REV1: variants seen among roughly 807,000 people sequenced by gnomAD.
The protein encoded by REV1 is REV1 DNA directed polymerase.
A neutral mutation model predicts 137.4 loss-of-function variants in REV1; 42 were observed. The ratio of observed to expected loss-of-function variants is 0.31; its 90% CI spans 0.24 to 0.40. REV1 has a LOEUF of 0.40. REV1 is among the 10% of genes least tolerant of loss of function. The pLI, the probability that REV1 is intolerant of heterozygous loss-of-function variation, is 1.00. For missense variants in REV1, 1,282 were observed against 1,490.1 expected, an observed-to-expected ratio of 0.86 and a Z score of 2.30; for synonymous variants, 524 against 519.2, an observed-to-expected ratio of 1.01 and a Z score of -0.12.
intron 3 of REV1, among the ~76,000 whole-genome samples, chr2:99,454,198 T>C (rs1683255905): frequency 6.6e-6 from 1 of 151,342 alleles, no homozygotes; most frequent in African/African-American, 2.4e-5. Context: ...GAGACCAACC[T>C]AGGCAACACA....
chr2:99,434,749 G>C (rs1234693869), intron 7 of REV1, among the ~76,000 whole-genome samples: 1 of 152,164 alleles, frequency 6.6e-6, no homozygotes, highest in African/African-American at 2.4e-5. Context: ...CTGTAGGAAA[G>C]AGGCAACTCA....
chr2:99,479,808 G>C (rs1686413363), intron 1 of REV1, among the ~76,000 whole-genome samples: 1 of 151,654 alleles, frequency 6.6e-6, no homozygotes, highest in Non-Finnish European at 1.5e-5. Context: ...AATAATACAA[G>C]ATCCTGCATT....
chr2:99,416,654 CG>C (rs2104532682), intron 12 of REV1, among the ~76,000 whole-genome samples: 1 of 152,220 alleles, frequency 6.6e-6, no homozygotes, highest in East Asian at 1.9e-4. Context: ...TCACTGGGCA[CG>C]GTGGCTCATG....
chr2:99,462,540 G>C lies in REV1; in HGVS notation c.137C>G (p.Ser46Cys), dbSNP rs1304501707. 1 of 1,613,544 alleles carries C rather than the reference G, an allele frequency of 6.2e-7. No individual in the cohort carries two copies. Among genetic ancestry groups the C allele is most frequent in the Non-Finnish European group, 8.5e-7 (1 of 1,179,810 alleles). ...GATGGCAACTCCACTAAAAATTGTA[G>C]ATGAAGTCCCATCCTTCTGCATAGC... ...DAAMQKDGTS[S>C]TIFSGVAIYV... The change falls in exon 3 of 23, where the codon TCT (serine) becomes TGT (cysteine). Residue 46 changes from serine (S) to cysteine (C), a missense_variant. Around this residue, in one of 7 missense-constraint regions of REV1, gnomAD observed 107 missense variants for 164.3 expected, o/e 0.65. Coordinates refer to ENST00000258428, the MANE Select transcript of REV1 (RefSeq NM_016316.4).
intron 10 of REV1, among the ~76,000 whole-genome samples, chr2:99,423,390 C>T (rs1473696231): frequency 6.6e-6 from 1 of 152,186 alleles, no homozygotes; most frequent in South Asian, 2.1e-4. Context: ...TGGAACTACA[C>T]CAAGCCCATT....
intron 1 of REV1, among the ~76,000 whole-genome samples, chr2:99,467,249 C>T (rs1405142345): frequency 6.7e-6 from 1 of 150,370 alleles, no homozygotes; most frequent in African/African-American, 2.4e-5. Context: ...AGTTATAATA[C>T]AAAAACAAAA....
chr2:99,480,448 T>C (rs1686494844), intron 1 of REV1, among the ~76,000 whole-genome samples: 1 of 152,140 alleles, frequency 6.6e-6, no homozygotes. Flanking sequence ...CTTGAATATA[T>C]CATACTAAGA....
chr2:99,420,317 G>C (rs917842028), intron 11 of REV1, among the ~76,000 whole-genome samples: 1 of 152,156 alleles, frequency 6.6e-6, no homozygotes, highest in Admixed American at 6.5e-5. Context: ...CCTAAAGACA[G>C]TAAACCTCTT....
intron 21 of REV1, 74 bp downstream of exon 21, chr2:99,402,570 T>C (rs1574958451): frequency 2.1e-6 from 3 of 1,399,234 alleles, no homozygotes; most frequent in Non-Finnish European, 3.0e-6. Context: ...CTGCATAGTT[T>C]AGTCTGTTTA....
intron 1 of REV1, among the ~76,000 whole-genome samples, chr2:99,482,179 T>C (rs1346706448): frequency 1.7e-4 from 26 of 152,194 alleles, no homozygotes; most frequent in Admixed American, 1.7e-3. Flanking sequence ...AAAAGTCCCA[T>C]AAAAACTCCA....
At position 99,423,972 on chromosome 2, in the gene REV1, T is replaced by C. The variant is rs28382919; in HGVS notation, c.1676+180A>G. Among the ~76,000 whole-genome samples the C allele has an allele frequency of 4.6e-3, 702 of 152,276 alleles. 5 individuals carry two copies. The highest frequency in any genetic ancestry group is 0.016 in the African/African-American group (680 of 41,544). ...GGCAATACAAAACTATCCTTTGAGA[T>C]TGAGCTACCTGGAAATTGCCCAAAG... On this transcript the variant is annotated intron_variant, in intron 10 of 22. Coordinates refer to ENST00000258428, the MANE Select transcript of REV1 (RefSeq NM_016316.4).
At chr2:99,401,588 A>G (rs1675427801) in intron 22 of REV1, among the ~76,000 whole-genome samples, 1 of 152,104 alleles carries the variant, frequency 6.6e-6, no homozygotes, top group Admixed American at 6.5e-5. Flanking sequence ...CTCTACAAAA[A>G]ATAGAAAAAT....
At chr2:99,431,718 T>C (rs1409674827) in intron 8 of REV1, 2 of 985,258 alleles carry the variant, frequency 2.0e-6, no homozygotes, top group Non-Finnish European at 2.4e-6. Flanking sequence ...ACCATCGTGT[T>C]CCTCTCCATT....
At chr2:99,411,015 G>A (rs1021349152) in intron 13 of REV1, 148 bp from the exon 14 acceptor site, 7 of 658,502 alleles carry the variant, frequency 1.1e-5, no homozygotes, top group African/African-American at 3.8e-5. Flanking sequence ...GGCCAGGCGC[G>A]GTGGCTCACA....
intron 4 of REV1, 77 bp downstream of exon 4, chr2:99,449,259 T>C: frequency 1.1e-6 from 1 of 909,066 alleles, no homozygotes; most frequent in Non-Finnish European, 1.5e-6. Context: ...AGCGAGACCC[T>C]ATCTCAAAAA....
chr2:99,416,912 CAA>C (rs755184253), intron 12 of REV1, among the ~76,000 whole-genome samples: 11 of 77,848 alleles, frequency 1.4e-4, no homozygotes, highest in African/African-American at 4.2e-4. Context: ...GACTCCATCT[CAA>C]AAAAAAAAAA....
chr2:99,449,048 A>G (rs754158237), intron 4 of REV1, among the ~76,000 whole-genome samples: 13 of 152,182 alleles, frequency 8.5e-5, no homozygotes, highest in Non-Finnish European at 1.5e-4. Flanking sequence ...TTGGGAGGCC[A>G]AGGCTGGAGG....
chr2:99,440,155 C>T (rs2309585), intron 5 of REV1, among the ~76,000 whole-genome samples: 93,500 of 152,042 alleles, frequency 0.61, 29,556 homozygotes, highest in African/African-American at 0.74. Context: ...ATGCAGAACC[C>T]ATGACAAATG....
In REV1 at chr2:99,401,010, AT is replaced by A. The variant is rs1191011547; in HGVS notation, c.*230del. The stretch of plus-strand genomic sequence containing the variant: ...TCACTGTAAAAATCCATAAAACTTT[AT>A]AAACAAACATTTTGTAAATAGAATC... On this transcript the variant is annotated 3_prime_UTR_variant, in exon 23 of 23. Coordinates refer to ENST00000258428, the MANE Select transcript of REV1 (RefSeq NM_016316.4). The A allele has an allele frequency of 5.1e-5, 16 of 313,600 alleles. No homozygotes were observed. Among genetic ancestry groups the A allele is most frequent in the Non-Finnish European group, 3.0e-5 (5 of 168,174 alleles). 19.4% of individuals were successfully genotyped at this position (313,600 alleles called of 1,614,324 possible).
Sources: gnomAD v4.1 joint callset for allele counts (sites outside exome capture counted in the v4.1 genomes callset) on GRCh38, gnomAD v4.1.1 for gene constraint, gnomAD v4.1.1 regional missense constraint, MANE v1.5 for transcripts, NCBI Gene and HGNC (gene_info 2026-07-23, HGNC 2026-07-21) for gene names.